Variants in DOCK1 observed in about 807,000 individuals in gnomAD.
DOCK1 encodes the protein dedicator of cytokinesis protein 1.
In DOCK1, 138 loss-of-function variants were observed where a neutral mutation model predicts 262.7. The observed-to-expected ratio is 0.53, with a 90% CI of 0.46 to 0.61. The LOEUF is 0.61. Among genes scored for constraint, DOCK1 ranks in the 20% least tolerant of loss-of-function variants. The pLI is 0.00. For missense variants in DOCK1, 1,908 were observed against 2,370.7 expected, an observed-to-expected ratio of 0.80 and a Z score of 4.05; for synonymous variants, 866 against 867.4, an observed-to-expected ratio of 1.00 and a Z score of 0.03.
At chr10:126,957,893 T>C (rs1289103500) in intron 1 of DOCK1, among the ~76,000 whole-genome samples, 1 of 152,182 alleles carries the variant, frequency 6.6e-6, no homozygotes, top group Non-Finnish European at 1.5e-5. Flanking sequence ...TATTCAACAA[T>C]AGAAAATAAC....
At chr10:127,151,578 A>G (rs776176160) in intron 27 of DOCK1, among the ~76,000 whole-genome samples, 1 of 152,158 alleles carries the variant, frequency 6.6e-6, no homozygotes, top group African/African-American at 2.4e-5. Flanking sequence ...TCGGGTCTGC[A>G]GGCTACCGAG....
intron 25 of DOCK1, among the ~76,000 whole-genome samples, chr10:127,110,989 A>G (rs867910616): frequency 3.3e-5 from 5 of 152,172 alleles, no homozygotes; most frequent in African/African-American, 4.8e-5. Context: ...TTGGAGGCAA[A>G]TGTGAAGTCT....
intron 27 of DOCK1, among the ~76,000 whole-genome samples, chr10:127,226,773 A>AC (rs2058658251): frequency 5.3e-5 from 8 of 151,928 alleles, no homozygotes; most frequent in Admixed American, 2.6e-4. Context: ...AAACAAACAA[A>AC]AAAAAGAGTG....
chr10:127,432,035 T>C (rs916583381), intron 47 of DOCK1, among the ~76,000 whole-genome samples: 1 of 152,122 alleles, frequency 6.6e-6, no homozygotes, highest in African/African-American at 2.4e-5. Context: ...GGGATCTGGG[T>C]TGTGCACTCC....
intron 23 of DOCK1, among the ~76,000 whole-genome samples, chr10:127,073,045 C>T (rs2046323143): frequency 6.6e-6 from 1 of 152,188 alleles, no homozygotes; most frequent in Admixed American, 6.5e-5. Flanking sequence ...ACTTCACTTA[C>T]GATGTGGCAT....
At chr10:127,323,358 C>G (rs567120434) in intron 29 of DOCK1, among the ~76,000 whole-genome samples, 1 of 152,116 alleles carries the variant, frequency 6.6e-6, no homozygotes, top group Non-Finnish European at 1.5e-5. Flanking sequence ...ATGTCCTGTC[C>G]GGTGGGGACG....
intron 29 of DOCK1, among the ~76,000 whole-genome samples, chr10:127,288,883 A>G (rs1437174136): frequency 6.6e-6 from 1 of 152,074 alleles, no homozygotes; most frequent in Non-Finnish European, 1.5e-5. Flanking sequence ...TCCTGCAGAC[A>G]TACACAATCA....
intron 23 of DOCK1, among the ~76,000 whole-genome samples, chr10:127,089,780 G>C (rs1174816530): frequency 6.6e-6 from 1 of 152,204 alleles, no homozygotes; most frequent in Admixed American, 6.5e-5. Flanking sequence ...TGGACACCGT[G>C]CCATTTAGTC....
At chr10:126,911,792 A>G (rs1035741608) in intron 1 of DOCK1, among the ~76,000 whole-genome samples, 19 of 152,164 alleles carry the variant, frequency 1.2e-4, no homozygotes, top group Non-Finnish European at 2.4e-4. Flanking sequence ...ATCTTAAGGC[A>G]GTTTGGAAAC....
chr10:126,911,885 G>A (rs1362411222), intron 1 of DOCK1, among the ~76,000 whole-genome samples: 1 of 152,196 alleles, frequency 6.6e-6, no homozygotes, highest in African/African-American at 2.4e-5. Context: ...GTGCTTTGGA[G>A]CTGACGTTGA....
At chr10:127,188,671 G>C (rs1180491248) in intron 27 of DOCK1, among the ~76,000 whole-genome samples, 1 of 152,168 alleles carries the variant, frequency 6.6e-6, no homozygotes. Flanking sequence ...TTGAGTTCTG[G>C]CCCTTCCCCT....
intron 1 of DOCK1, 89 bp downstream of exon 1, chr10:126,905,652 A>G: frequency 5.1e-6 from 1 of 194,896 alleles, no homozygotes; most frequent in Admixed American, 6.3e-5. Context: ...CGCCGCCCCG[A>G]GCGGCCGCCG....
chr10:126,979,943 G>T (rs1043660209), intron 3 of DOCK1, among the ~76,000 whole-genome samples: 3 of 152,160 alleles, frequency 2.0e-5, no homozygotes, highest in African/African-American at 7.2e-5. Flanking sequence ...GCCTCACTCA[G>T]TCATTATCCT....
intron 27 of DOCK1, among the ~76,000 whole-genome samples, chr10:127,220,813 G>A (rs1292415779): frequency 6.7e-6 from 1 of 149,252 alleles, no homozygotes; most frequent in African/African-American, 2.5e-5. Context: ...TTTTTAAGTT[G>A]TTCTCTTTTG....
intron 29 of DOCK1, among the ~76,000 whole-genome samples, chr10:127,316,106 C>G (rs919971571): frequency 1.3e-5 from 2 of 152,312 alleles, no homozygotes; most frequent in Non-Finnish European, 2.9e-5. Flanking sequence ...TGGCTACCTT[C>G]CAGTAAATTC....
intron 23 of DOCK1, among the ~76,000 whole-genome samples, chr10:127,062,069 T>C (rs1279087709): frequency 6.6e-6 from 1 of 151,424 alleles, no homozygotes; most frequent in East Asian, 2.0e-4. Context: ...CCCGAATTGC[T>C]GGGACTACAG....
At chr10:126,921,932 C>G (rs1174020944) in intron 1 of DOCK1, among the ~76,000 whole-genome samples, 4 of 152,010 alleles carry the variant, frequency 2.6e-5, no homozygotes, top group Non-Finnish European at 5.9e-5. Flanking sequence ...AGGTATAAGG[C>G]TGGACACAGT....
chr10:127,049,049 C>T (rs1473565283), intron 21 of DOCK1, among the ~76,000 whole-genome samples: 2 of 137,224 alleles, frequency 1.5e-5, no homozygotes, highest in Non-Finnish European at 1.6e-5. Flanking sequence ...GAAAGAAAAA[C>T]TGTATTTTCA....
intron 33 of DOCK1, 94 bp from the exon 34 acceptor site, chr10:127,373,687 A>G: frequency 8.7e-7 from 1 of 1,151,494 alleles, no homozygotes; most frequent in South Asian, 1.4e-5. Context: ...ATCTATGATG[A>G]TCTCTCTTGC....
Sources: gnomAD v4.1 joint callset for allele counts (sites outside exome capture counted in the v4.1 genomes callset) on GRCh38, gnomAD v4.1.1 for gene constraint, MANE v1.5 for transcripts, NCBI Gene and HGNC (gene_info 2026-07-23, HGNC 2026-07-21) for gene names.